Variants in TENT4B observed in about 807,000 individuals in gnomAD.
TENT4B encodes the protein PAP associated domain containing 5.
In TENT4B, 10 loss-of-function variants were observed where a neutral mutation model predicts 75.0. The observed-to-expected ratio is 0.13, with a 90% CI of 0.08 to 0.23. TENT4B has a LOEUF of 0.23. Ranked by LOEUF, TENT4B falls within the 10% of genes least tolerant of loss-of-function variation. TENT4B has a pLI of 1.00. For missense variants in TENT4B, 579 were observed against 893.8 expected (o/e 0.65, Z 4.49); for synonymous variants, 350 against 357.7 (o/e 0.98, Z 0.24).
intron 1 of TENT4B, among the ~76,000 whole-genome samples, chr16:50,159,921 C>T (rs77928534): frequency 1.3e-4 from 20 of 151,930 alleles, no homozygotes; most frequent in South Asian, 6.2e-4. Flanking sequence ...TTTTTTGAGA[C>T]GGAGTCTTGC....
intron 1 of TENT4B, among the ~76,000 whole-genome samples, chr16:50,166,830 T>G (rs941909978): frequency 6.0e-5 from 9 of 150,096 alleles, no homozygotes; most frequent in Non-Finnish European, 1.0e-4. Flanking sequence ...GAGTCTCACC[T>G]TATTGCCCAG....
chr16:50,178,702 A>T (rs2150692597), intron 1 of TENT4B, among the ~76,000 whole-genome samples: 1 of 152,358 alleles, frequency 6.6e-6, no homozygotes, highest in South Asian at 2.1e-4. Flanking sequence ...AGCCAGACAC[A>T]AAAGGACAAA....
At chr16:50,203,309 C>G (rs1377574735) in intron 1 of TENT4B, among the ~76,000 whole-genome samples, 1 of 152,076 alleles carries the variant, frequency 6.6e-6, no homozygotes, top group Non-Finnish European at 1.5e-5. Context: ...GAATGAGTTT[C>G]TTGTCCACAA....
intron 1 of TENT4B, among the ~76,000 whole-genome samples, chr16:50,191,820 G>A (rs1160083116): frequency 1.3e-5 from 2 of 152,214 alleles, no homozygotes; most frequent in East Asian, 3.8e-4. Flanking sequence ...TGGGGAGGCT[G>A]AGGCAGGAGA....
At position 50,224,877 on chromosome 16, in the gene TENT4B, T is replaced by C. The variant is rs762422811; in HGVS notation, c.1509-14T>C. The C allele has an allele frequency of 5.6e-6, 9 of 1,612,472 alleles. No homozygotes were observed. The Admixed American group carries it at 1.3e-4, about 24-fold the overall frequency. ...TTATTCCCTCCCTCTCCCTTTCTTT[T>C]TAAACACATGCAGCATACTAGGTAG... On this transcript the variant is annotated splice_polypyrimidine_tract_variant and intron_variant, in intron 8 of 11. Transcript: ENST00000561678.
intron 1 of TENT4B, among the ~76,000 whole-genome samples, chr16:50,175,718 C>T (rs1446862845): frequency 6.6e-6 from 1 of 152,118 alleles, no homozygotes; most frequent in Admixed American, 6.6e-5. Context: ...GATCCGCCCG[C>T]CTCAGCCTCC....
chr16:50,199,425 T>C (rs1429403377), intron 1 of TENT4B, among the ~76,000 whole-genome samples: 5 of 152,250 alleles, frequency 3.3e-5, no homozygotes, highest in Non-Finnish European at 5.9e-5. Context: ...CCATTGGGCA[T>C]ACTGGAGCAG....
chr16:50,159,269 A>T (rs1227514293), intron 1 of TENT4B, among the ~76,000 whole-genome samples: 1 of 128,656 alleles, frequency 7.8e-6, no homozygotes, highest in African/African-American at 3.0e-5. Context: ...TTTTAGACGG[A>T]GTTTCACTTG....
intron 1 of TENT4B, among the ~76,000 whole-genome samples, chr16:50,158,500 G>A (rs1380591119): frequency 1.3e-5 from 2 of 152,098 alleles, no homozygotes; most frequent in Admixed American, 6.6e-5. Flanking sequence ...ATGAAAACGA[G>A]CCATAAACCC....
At chr16:50,168,123 AG>A (rs10713284) in intron 1 of TENT4B, among the ~76,000 whole-genome samples, 84,864 of 146,684 alleles carry the variant, frequency 0.58, 26,151 homozygotes, top group South Asian at 0.69. Context: ...AAAAAAAAAA[AG>A]AATGCAGAAG....
At chr16:50,228,665 C>T (rs1466005833) in intron 11 of TENT4B, among the ~76,000 whole-genome samples, 1 of 152,204 alleles carries the variant, frequency 6.6e-6, no homozygotes, top group Admixed American at 6.5e-5. Flanking sequence ...CCTACGCGGC[C>T]TTAGCCATGT....
At chr16:50,193,671 ATGGT>A (rs1038632451) in intron 1 of TENT4B, among the ~76,000 whole-genome samples, 4 of 152,004 alleles carry the variant, frequency 2.6e-5, no homozygotes, top group African/African-American at 4.8e-5. Flanking sequence ...GGTTTGTCTG[ATGGT>A]TGGTTGGACA....
rs530378095 is a variant in TENT4B, at chr16:50,156,814, C to A, written c.638+2555C>A. On this transcript the variant is annotated intron_variant, in intron 1 of 11. Transcript: ENST00000561678. ...GGGACTACAGGCACATGTCACCACACCTGCCTAATTTTTTTATTTTTACTT... is the reference window on the plus strand; with the variant it reads ...GGGACTACAGGCACATGTCACCACAACTGCCTAATTTTTTTATTTTTACTT... Among the ~76,000 whole-genome samples, 5 of 152,184 alleles carry A rather than the reference C, an allele frequency of 3.3e-5. No homozygotes were observed. In the South Asian group the frequency reaches 6.2e-4, roughly 19 times the overall value.
At chr16:50,181,353 G>A (rs2038411909) in intron 1 of TENT4B, among the ~76,000 whole-genome samples, 1 of 151,586 alleles carries the variant, frequency 6.6e-6, no homozygotes, top group South Asian at 2.1e-4. Flanking sequence ...CCCTGAGATA[G>A]GGTTGCCTAG....
chr16:50,230,076 TAAAGA>T lies in TENT4B; in HGVS notation c.*753_*757del, dbSNP rs779931661. 589 of 984,744 alleles carry T rather than the reference TAAAGA, an allele frequency of 6.0e-4. 1 individual carries two copies. The highest frequency in any genetic ancestry group is 6.9e-4 in the Non-Finnish European group (576 of 829,676). The allele number at this position is 984,744 out of a possible 1,614,324, so 61.0% of individuals were successfully genotyped here. A position where few individuals can be genotyped will look rare whatever the true frequency, so the allele number is the denominator to read the frequency against. On this transcript the variant is annotated 3_prime_UTR_variant, in exon 12 of 12. Coordinates refer to ENST00000561678, the MANE Select transcript of TENT4B (RefSeq NM_001365324.3). ...TCCTGCTGCAAAAATTTTTCCTCTC[TAAAGA>T]AAAGGTTTATGGTGGCAAATGATGT... is the stretch of plus-strand genomic sequence containing the variant.
rs575819024 is a variant in TENT4B at position 50,193,427 on chromosome 16, T to C, written c.639-17896T>C. Among the ~76,000 whole-genome samples, 243 of 145,176 alleles carry C rather than the reference T, an allele frequency of 1.7e-3. 1 individual carries two copies. Among genetic ancestry groups the C allele is most frequent in the African/African-American group, 6.0e-3 (233 of 39,072 alleles). ...ATCTCGGCTCACTGCAACCTCTGCC[T>C]CCTGGGCTCAAGCAATTCTCCTGCC... is the stretch of plus-strand genomic sequence containing the variant. On this transcript the variant is annotated intron_variant, in intron 1 of 11. Coordinates refer to ENST00000561678, the MANE Select transcript of TENT4B (RefSeq NM_001365324.3).
chr16:50,230,821 T>G lies in TENT4B; in HGVS notation c.*1493T>G. 1 of 985,638 alleles carries G rather than the reference T, an allele frequency of 1.0e-6. No individual in the cohort carries two copies. Among genetic ancestry groups the G allele is most frequent in the Non-Finnish European group, 1.2e-6 (1 of 829,706 alleles). 61.1% of individuals were successfully genotyped at this position (985,638 alleles called of 1,614,324 possible). A position where few individuals can be genotyped will look rare whatever the true frequency, so the allele number is the denominator to read the frequency against. The stretch of plus-strand genomic sequence containing the variant: ...AATATAATAGAATGTAAGTGACATT[T>G]CTGAAAATGCTTTCTTTCAGGGTGA... On this transcript the variant is annotated 3_prime_UTR_variant, in exon 12 of 12. Coordinates refer to ENST00000561678, the MANE Select transcript of TENT4B (RefSeq NM_001365324.3).
At chr16:50,216,234 T>C (rs2031546810) in intron 4 of TENT4B, 39 bp downstream of exon 4, 2 of 1,609,338 alleles carry the variant, frequency 1.2e-6, no homozygotes, top group Non-Finnish European at 1.7e-6. Context: ...TCCTTAGTTA[T>C]TTACCTATGA....
chr16:50,206,953 A>G (rs1184068867), intron 1 of TENT4B, among the ~76,000 whole-genome samples: 1 of 151,186 alleles, frequency 6.6e-6, no homozygotes, highest in Non-Finnish European at 1.5e-5. Flanking sequence ...TTATTTTTTA[A>G]ATATGGAATC....
Sources: allele counts gnomAD v4.1 joint callset (sites outside exome capture counted in the v4.1 genomes callset), GRCh38; gene constraint gnomAD v4.1.1; transcripts MANE v1.5; gene names NCBI Gene and HGNC (gene_info 2026-07-23, HGNC 2026-07-21).